The following RNF170 variants were observed in gnomAD, a reference collection of about 807,000 sequenced individuals.
RNF170 encodes ring finger protein 170.
A neutral mutation model predicts 32.7 loss-of-function variants in RNF170; 12 were observed. The ratio of observed to expected loss-of-function variants is 0.37; its 90% confidence interval spans 0.24 to 0.60. The LOEUF (loss-of-function observed/expected upper bound fraction) is 0.60, where lower values mean the gene tolerates loss of function less well. Ranked by LOEUF, RNF170 falls within the 20% of genes least tolerant of loss-of-function variation. The probability of loss-of-function intolerance (pLI) is 0.72; values close to 1 mark genes in which losing one functional copy is unlikely to be tolerated. For missense variants in RNF170, 212 were observed against 311.2 expected (o/e 0.68, Z 2.40); for synonymous variants, 91 against 103.6 (o/e 0.88, Z 0.74).
intron 6 of RNF170, among the ~76,000 whole-genome samples, chr8:42,859,724 T>G (rs1463662390): frequency 1.3e-5 from 2 of 152,054 alleles, no homozygotes; most frequent in Admixed American, 1.3e-4. Flanking sequence ...TCCTGGCTCA[T>G]TGCAACCTCT....
intron 3 of RNF170, among the ~76,000 whole-genome samples, chr8:42,872,721 G>A (rs1271640800): frequency 1.3e-5 from 2 of 152,166 alleles, no homozygotes; most frequent in East Asian, 1.9e-4. Flanking sequence ...GATTACAGGC[G>A]TGAGCCACTG....
At chr8:42,861,923 T>G in intron 5 of RNF170, 68 bp from the exon 6 acceptor site, 4 of 1,468,378 alleles carry the variant, frequency 2.7e-6, no homozygotes, top group Non-Finnish European at 3.7e-6. Context: ...TTTTGTGTTA[T>G]TATTCAATAG....
chr8:42,854,014 T>C lies in RNF170; in HGVS notation c.*2145A>G. ...TCACCATTCCCCCACACCAAATGTG[T>C]AATTGGTAGGAAATGCATTTCCAGT... On this transcript the variant is annotated 3_prime_UTR_variant, in exon 7 of 7. Transcript: ENST00000527424. 3 of 1,286,908 alleles carry C rather than the reference T, an allele frequency of 2.3e-6. No individual in the cohort carries two copies. Among genetic ancestry groups the C allele is most frequent in the Non-Finnish European group, 3.0e-6 (3 of 988,422 alleles). 79.7% of individuals were successfully genotyped at this position (1,286,908 alleles called of 1,614,324 possible).
At chr8:42,858,955 G>T (rs1803450343) in intron 6 of RNF170, among the ~76,000 whole-genome samples, 1 of 152,184 alleles carries the variant, frequency 6.6e-6, no homozygotes, top group South Asian at 2.1e-4. Context: ...GGCCGAGGTG[G>T]GAGGACCACT....
intron 2 of RNF170, among the ~76,000 whole-genome samples, chr8:42,886,517 C>A (rs933228879): frequency 2.0e-5 from 3 of 152,094 alleles, no homozygotes; most frequent in African/African-American, 7.2e-5. Flanking sequence ...CCTCTGCCTC[C>A]CAAGTTCAAG....
downstream of RNF170, among the ~76,000 whole-genome samples, chr8:42,852,049 T>C (rs1802954896): frequency 6.6e-6 from 1 of 152,174 alleles, no homozygotes; most frequent in African/African-American, 2.4e-5. Context: ...AGGGGAGAAG[T>C]GGTTTAGGAA....
At chr8:42,852,176 AG>A (rs757159311), downstream of RNF170, among the ~76,000 whole-genome samples, 16 of 152,196 alleles carry the variant, frequency 1.1e-4, no homozygotes, top group Admixed American at 1.3e-4. Flanking sequence ...ACCTGCCAGC[AG>A]GGTGCCCTCT....
In RNF170 at chr8:42,853,695, G is replaced by C. The variant is rs904835683; in HGVS notation, c.*2464C>G. The C allele has an allele frequency of 6.2e-6, 8 of 1,286,736 alleles. No individual in the cohort carries two copies. In the African/African-American group the frequency reaches 1.2e-4, roughly 20 times the overall value. The allele number at this position is 1,286,736 out of a possible 1,614,324, so 79.7% of individuals were successfully genotyped here. On this transcript the variant is annotated 3_prime_UTR_variant, in exon 7 of 7. Coordinates refer to ENST00000527424, the MANE Select transcript of RNF170 (RefSeq NM_030954.4). ...GTATTACTATGATGTTCAAAACTCTGATTGACTCTACTTGCTTTAAAAACT... is the reference window on the plus strand; with the variant it reads ...GTATTACTATGATGTTCAAAACTCTCATTGACTCTACTTGCTTTAAAAACT...
At chr8:42,859,816 T>C (rs1275749299) in intron 6 of RNF170, among the ~76,000 whole-genome samples, 1 of 152,122 alleles carries the variant, frequency 6.6e-6, no homozygotes, top group Non-Finnish European at 1.5e-5. Flanking sequence ...GCCTGACTAA[T>C]TTTTGTATTT....
intron 3 of RNF170, among the ~76,000 whole-genome samples, chr8:42,872,343 A>C (rs752945545): frequency 6.6e-6 from 1 of 152,228 alleles, no homozygotes; most frequent in Non-Finnish European, 1.5e-5. Context: ...GATTAAATAC[A>C]ATTGTTGTTT....
chr8:42,885,525 A>C (rs1272024599), intron 2 of RNF170, among the ~76,000 whole-genome samples: 2 of 152,184 alleles, frequency 1.3e-5, no homozygotes, highest in Non-Finnish European at 1.5e-5. Context: ...CTCCCCAAAA[A>C]AGTGCACCAC....
intron 6 of RNF170, among the ~76,000 whole-genome samples, chr8:42,858,622 G>A (rs1803422863): frequency 6.6e-6 from 1 of 152,216 alleles, no homozygotes; most frequent in South Asian, 2.1e-4. Flanking sequence ...GCGCCACAGA[G>A]CAGGGAAAAC....
chr8:42,886,430 G>T (rs1389516111), intron 2 of RNF170, among the ~76,000 whole-genome samples: 2 of 151,926 alleles, frequency 1.3e-5, no homozygotes, highest in African/African-American at 4.8e-5. Flanking sequence ...AATCACTCTG[G>T]ATTATCACTC....
intron 4 of RNF170, among the ~76,000 whole-genome samples, chr8:42,866,078 A>T (rs903495676): frequency 6.6e-6 from 1 of 152,220 alleles, no homozygotes; most frequent in Admixed American, 6.5e-5. Flanking sequence ...ACAAAACATT[A>T]TATTTCCTAT....
intron 4 of RNF170, among the ~76,000 whole-genome samples, chr8:42,868,838 C>T (rs1159765462): frequency 2.1e-5 from 3 of 140,210 alleles, no homozygotes; most frequent in Non-Finnish European, 4.6e-5. Context: ...GGCGACAAGG[C>T]GAGACTGCAT....
At chr8:42,878,076 C>T (rs1191539913) in intron 2 of RNF170, among the ~76,000 whole-genome samples, 1 of 150,688 alleles carries the variant, frequency 6.6e-6, no homozygotes, top group Non-Finnish European at 1.5e-5. Context: ...AATCAATCAA[C>T]GTTGTGTATG....
chr8:42,875,929 GA>G (rs1411808897), intron 2 of RNF170, among the ~76,000 whole-genome samples: 1 of 152,140 alleles, frequency 6.6e-6, no homozygotes, highest in Non-Finnish European at 1.5e-5. Flanking sequence ...ACATTTTTAT[GA>G]TTGAACAGAT....
At chr8:42,870,603 G>A (rs553032236) in intron 3 of RNF170, among the ~76,000 whole-genome samples, 13 of 152,104 alleles carry the variant, frequency 8.5e-5, no homozygotes, top group Admixed American at 3.3e-4. Context: ...GGTGGCATGC[G>A]CCTGTAGTCC....
intron 1 of RNF170, among the ~76,000 whole-genome samples, chr8:42,888,187 T>A (rs1805987435): frequency 6.6e-6 from 1 of 151,962 alleles, no homozygotes; most frequent in Admixed American, 6.5e-5. Context: ...TCCCTCAGCC[T>A]CCCAAGTAGC....
Sources: allele counts gnomAD v4.1 joint callset (sites outside exome capture counted in the v4.1 genomes callset), GRCh38; gene constraint gnomAD v4.1.1; transcripts MANE v1.5; gene names NCBI Gene and HGNC (gene_info 2026-07-23, HGNC 2026-07-21).